The following ETFDH variants were observed in gnomAD, a reference collection of about 807,000 sequenced individuals.
The protein encoded by ETFDH is electron transfer flavoprotein-ubiquinone oxidoreductase, mitochondrial.
A neutral mutation model predicts 73.2 loss-of-function variants in ETFDH; 61 were observed. The observed-to-expected ratio is 0.83, with a 90% CI of 0.68 to 1.03. The LOEUF (loss-of-function observed/expected upper bound fraction) is 1.03, where lower values mean the gene tolerates loss of function less well. ETFDH is among the 50% of genes least tolerant of loss of function. The pLI is 0.00. For synonymous variants in ETFDH, 243 were observed against 253.3 expected (o/e 0.96, Z 0.39); for missense variants, 685 against 745.0 (o/e 0.92, Z 0.94).
chr4:158,676,255 G>A (rs1015392305), intron 1 of ETFDH, among the ~76,000 whole-genome samples: 1 of 152,086 alleles, frequency 6.6e-6, no homozygotes, highest in Admixed American at 6.5e-5. Context: ...TGAGTTTGTC[G>A]TCTTGCACTG....
intron 3 of ETFDH, among the ~76,000 whole-genome samples, chr4:158,682,750 G>A (rs1346202006): frequency 6.6e-6 from 1 of 151,848 alleles, no homozygotes; most frequent in Non-Finnish European, 1.5e-5. Context: ...GGCCAGACTG[G>A]TCTCGAACTC....
intron 6 of ETFDH, among the ~76,000 whole-genome samples, chr4:158,690,823 G>A (rs1404122844): frequency 6.6e-6 from 1 of 152,086 alleles, no homozygotes; most frequent in Non-Finnish European, 1.5e-5. Context: ...GAGCAACATG[G>A]TGAGACCCTG....
intron 1 of ETFDH, among the ~76,000 whole-genome samples, chr4:158,678,446 A>G (rs1349503295): frequency 6.6e-6 from 1 of 152,168 alleles, no homozygotes; most frequent in African/African-American, 2.4e-5. Context: ...TCACCACATC[A>G]TATCAGGGAT....
intron 5 of ETFDH, among the ~76,000 whole-genome samples, chr4:158,685,890 AATTAACTTGTAAATG>A (rs1773990252): frequency 6.6e-6 from 1 of 152,326 alleles, no homozygotes; most frequent in African/African-American, 2.4e-5. Context: ...AAGACACAGA[AATTAACTTGTAAATG>A]ATTCTCTTTG....
chr4:158,700,578 A>ACACACACACACACG (rs1561248540), intron 9 of ETFDH: 6 of 74,834 alleles, frequency 8.0e-5, no homozygotes, highest in East Asian at 6.6e-4. Context: ...ACACGCACAC[A>ACACACACACACACG]CACACACACA....
chr4:158,689,602 A>ATG (rs1384327194), intron 5 of ETFDH, among the ~76,000 whole-genome samples: 1 of 59,614 alleles, frequency 1.7e-5, no homozygotes, highest in Non-Finnish European at 3.0e-5. Flanking sequence ...CTTCATATAT[A>ATG]TATATATATA....
chr4:158,707,333 G>A (rs1244342927), intron 12 of ETFDH, among the ~76,000 whole-genome samples: 1 of 152,160 alleles, frequency 6.6e-6, no homozygotes, highest in Non-Finnish European at 1.5e-5. Context: ...ATAGTATTCC[G>A]ATACTCGAAA....
intron 6 of ETFDH, among the ~76,000 whole-genome samples, chr4:158,695,204 G>A (rs992668891): frequency 5.9e-5 from 9 of 152,122 alleles, no homozygotes; most frequent in Non-Finnish European, 1.3e-4. Context: ...TTATCCATTG[G>A]CAGAGGAGCT....
intron 10 of ETFDH, among the ~76,000 whole-genome samples, chr4:158,705,541 A>G (rs79441149): frequency 6.6e-3 from 1,005 of 152,352 alleles, no homozygotes; most frequent in Non-Finnish European, 0.012. Flanking sequence ...GCAGGTAGAA[A>G]TAGTTTGAGT....
At chr4:158,704,554 T>C (rs776559032) in intron 10 of ETFDH, among the ~76,000 whole-genome samples, 1 of 152,202 alleles carries the variant, frequency 6.6e-6, no homozygotes, top group Non-Finnish European at 1.5e-5. Context: ...ACACACCCAG[T>C]TCCCCCTGCA....
intron 6 of ETFDH, among the ~76,000 whole-genome samples, chr4:158,694,941 C>T (rs925358203): frequency 6.6e-6 from 1 of 152,170 alleles, no homozygotes; most frequent in Non-Finnish European, 1.5e-5. Context: ...CATGCATACT[C>T]AAGTCCCAAA....
At chr4:158,686,866 T>C (rs998048410) in intron 5 of ETFDH, among the ~76,000 whole-genome samples, 1 of 152,074 alleles carries the variant, frequency 6.6e-6, no homozygotes, top group African/African-American at 2.4e-5. Flanking sequence ...CATAGAAAAA[T>C]TGGCTCACAA....
intron 5 of ETFDH, among the ~76,000 whole-genome samples, chr4:158,686,462 G>C (rs1332596705): frequency 1.3e-5 from 2 of 152,168 alleles, no homozygotes; most frequent in Non-Finnish European, 2.9e-5. Flanking sequence ...TAGACAGAAG[G>C]GTATGATCTA....
chr4:158,674,794 G>A (rs887364004), intron 1 of ETFDH, among the ~76,000 whole-genome samples: 2 of 152,060 alleles, frequency 1.3e-5, no homozygotes, highest in Non-Finnish European at 2.9e-5. Flanking sequence ...AGGTTTTCAC[G>A]TACAACAAGG....
At chr4:158,697,492 A>G in intron 7 of ETFDH, 67 bp from the exon 8 acceptor site, 1 of 1,368,190 alleles carries the variant, frequency 7.3e-7, no homozygotes, top group South Asian at 1.2e-5. Flanking sequence ...AGTTTTATGC[A>G]TTGTGGTGAC....
At chr4:158,695,710 G>C in intron 7 of ETFDH, 67 bp downstream of exon 7, 5 of 1,105,652 alleles carry the variant, frequency 4.5e-6, no homozygotes, top group Non-Finnish European at 6.9e-6. Context: ...GTATTATCAG[G>C]TAGTTTATAA....
intron 2 of ETFDH, 23 bp from the exon 3 acceptor site, chr4:158,682,172 C>G: frequency 6.2e-7 from 1 of 1,612,870 alleles, no homozygotes; most frequent in Non-Finnish European, 8.5e-7. Context: ...TTATATTAAT[C>G]CCAGAATTTT....
intron 5 of ETFDH, among the ~76,000 whole-genome samples, chr4:158,689,169 A>C (rs1330878081): frequency 1.3e-5 from 2 of 152,170 alleles, no homozygotes; most frequent in South Asian, 4.1e-4. Context: ...AGCAAGGAAA[A>C]TTCAGTTTTT....
At chr4:158,689,607 TA>T (rs1774103565) in intron 5 of ETFDH, among the ~76,000 whole-genome samples, 3 of 83,624 alleles carry the variant, frequency 3.6e-5, no homozygotes, top group East Asian at 3.2e-4. Context: ...TATATATATA[TA>T]TATATATATA....
Sources: allele counts gnomAD v4.1 joint callset (sites outside exome capture counted in the v4.1 genomes callset), GRCh38; gene constraint gnomAD v4.1.1; transcripts MANE v1.5; gene names NCBI Gene and HGNC (gene_info 2026-07-23, HGNC 2026-07-21).